The following ZNF804A variants were observed in gnomAD, a reference collection of about 807,000 sequenced individuals.
ZNF804A encodes zinc finger protein 804A.
ZNF804A carries 2 observed loss-of-function variants against 16.5 expected under a neutral mutation model. The observed-to-expected ratio is 0.12, with a 90% CI of 0.05 to 0.38. The LOEUF is 0.38. ZNF804A is among the 10% of genes least tolerant of loss of function. ZNF804A has a pLI of 0.99. For synonymous variants in ZNF804A, 534 were observed against 489.6 expected (o/e 1.09, Z -1.20); for missense variants, 1,473 against 1,390.7 (o/e 1.06, Z -0.94).
At chr2:184,859,554 T>G (rs1013670963) in intron 1 of ZNF804A, among the ~76,000 whole-genome samples, 3 of 152,182 alleles carry the variant, frequency 2.0e-5, no homozygotes, top group Non-Finnish European at 4.4e-5. Flanking sequence ...TGAGCTTCCT[T>G]AAAACAATTA....
intron 1 of ZNF804A, among the ~76,000 whole-genome samples, chr2:184,628,342 A>G (rs752003212): frequency 3.9e-5 from 6 of 152,088 alleles, no homozygotes; most frequent in Non-Finnish European, 8.8e-5. Flanking sequence ...AAAAAGGTGT[A>G]AAGAACAAAA....
intron 1 of ZNF804A, among the ~76,000 whole-genome samples, chr2:184,619,343 G>T (rs1182287576): frequency 1.3e-5 from 2 of 151,694 alleles, no homozygotes; most frequent in Non-Finnish European, 2.9e-5. Flanking sequence ...TTTTTTTAAG[G>T]TTACTGTATA....
intron 1 of ZNF804A, among the ~76,000 whole-genome samples, chr2:184,828,328 CAAAAT>C (rs1174894256): frequency 1.3e-5 from 2 of 151,584 alleles, no homozygotes; most frequent in African/African-American, 2.4e-5. Context: ...AATGTGATAA[CAAAAT>C]AAAACTATGA....
intron 1 of ZNF804A, among the ~76,000 whole-genome samples, chr2:184,694,706 A>G (rs1421811116): frequency 2.6e-5 from 4 of 152,216 alleles, no homozygotes; most frequent in Non-Finnish European, 1.5e-5. Context: ...AACAGTAAAC[A>G]TGTATTTGAA....
chr2:184,605,780 G>T (rs1339847083), intron 1 of ZNF804A, among the ~76,000 whole-genome samples: 1 of 152,038 alleles, frequency 6.6e-6, no homozygotes, highest in East Asian at 1.9e-4. Context: ...CTTCCCCATG[G>T]ATATGCAGAG....
At chr2:184,669,738 G>A (rs1437829801) in intron 1 of ZNF804A, among the ~76,000 whole-genome samples, 1 of 138,440 alleles carries the variant, frequency 7.2e-6, no homozygotes, top group African/African-American at 2.8e-5. Context: ...TGACTTGGTT[G>A]CCACATCTCT....
chr2:184,888,252 T>C (rs1163872940), intron 2 of ZNF804A, among the ~76,000 whole-genome samples: 1 of 152,108 alleles, frequency 6.6e-6, no homozygotes, highest in African/African-American at 2.4e-5. Flanking sequence ...AATTATAAAA[T>C]TTTCTCCGAG....
intron 1 of ZNF804A, among the ~76,000 whole-genome samples, chr2:184,651,013 A>C (rs1442372690): frequency 6.6e-6 from 1 of 152,186 alleles, no homozygotes; most frequent in Non-Finnish European, 1.5e-5. Flanking sequence ...GCAAAGACAG[A>C]TATATCATAT....
At chr2:184,692,865 T>C (rs1293043164) in intron 1 of ZNF804A, among the ~76,000 whole-genome samples, 1 of 152,142 alleles carries the variant, frequency 6.6e-6, no homozygotes, top group Non-Finnish European at 1.5e-5. Flanking sequence ...AAATTTAGAG[T>C]TACTATGCCT....
At chr2:184,730,657 T>G (rs915175181) in intron 1 of ZNF804A, among the ~76,000 whole-genome samples, 3 of 152,204 alleles carry the variant, frequency 2.0e-5, no homozygotes, top group Non-Finnish European at 4.4e-5. Context: ...TTCTTTTACT[T>G]GGTGCTATGT....
At chr2:184,599,608 T>C (rs1469933288) in intron 1 of ZNF804A, among the ~76,000 whole-genome samples, 1 of 152,080 alleles carries the variant, frequency 6.6e-6, no homozygotes, top group Non-Finnish European at 1.5e-5. Context: ...CTTAAGAGAG[T>C]GACTCTAGAA....
chr2:184,771,504 T>C (rs1401998750), intron 1 of ZNF804A, among the ~76,000 whole-genome samples: 2 of 151,886 alleles, frequency 1.3e-5, no homozygotes, highest in Non-Finnish European at 2.9e-5. Context: ...CCCAGCACTT[T>C]GGGAGGCCAA....
At chr2:184,599,109 T>G in intron 1 of ZNF804A, 39 bp downstream of exon 1, 1 of 1,436,624 alleles carries the variant, frequency 7.0e-7, no homozygotes, top group Non-Finnish European at 9.8e-7. Flanking sequence ...CTCTCATATT[T>G]AAGAGGGCAT....
chr2:184,795,780 G>T (rs1006801468), intron 1 of ZNF804A, among the ~76,000 whole-genome samples: 19 of 152,070 alleles, frequency 1.2e-4, no homozygotes, highest in Non-Finnish European at 2.5e-4. Flanking sequence ...ACCATGCAAG[G>T]CTACTATGAA....
intron 2 of ZNF804A, among the ~76,000 whole-genome samples, chr2:184,905,868 C>T (rs773588626): frequency 1.3e-5 from 2 of 152,146 alleles, no homozygotes; most frequent in Admixed American, 6.6e-5. Context: ...GATAATTACA[C>T]CAAGGCTCAT....
intron 1 of ZNF804A, among the ~76,000 whole-genome samples, chr2:184,716,183 A>G (rs1693210269): frequency 6.6e-6 from 1 of 152,176 alleles, no homozygotes; most frequent in South Asian, 2.1e-4. Flanking sequence ...CTCCAGAATC[A>G]TAAAATTTGA....
chr2:184,626,917 G>A (rs549681552), intron 1 of ZNF804A, among the ~76,000 whole-genome samples: 33 of 152,240 alleles, frequency 2.2e-4, no homozygotes, highest in Admixed American at 5.9e-4. Flanking sequence ...GGACTTTCAC[G>A]TAACAGCAGA....
chr2:184,669,423 T>C (rs1171383418), intron 1 of ZNF804A, among the ~76,000 whole-genome samples: 1 of 152,094 alleles, frequency 6.6e-6, no homozygotes, highest in African/African-American at 2.4e-5. Flanking sequence ...AGAAAAATTA[T>C]TGAATTATTT....
At chr2:184,651,796 G>A (rs1182768740) in intron 1 of ZNF804A, among the ~76,000 whole-genome samples, 5 of 152,046 alleles carry the variant, frequency 3.3e-5, no homozygotes, top group Non-Finnish European at 7.4e-5. Context: ...AATAATAGAT[G>A]CTGGCAATGC....
Sources: allele counts gnomAD v4.1 joint callset (sites outside exome capture counted in the v4.1 genomes callset), GRCh38; gene constraint gnomAD v4.1.1; transcripts MANE v1.5; gene names NCBI Gene and HGNC (gene_info 2026-07-23, HGNC 2026-07-21).